ARB2A: variants seen among roughly 807,000 people sequenced by gnomAD.
ARB2A encodes ARB2 cotranscriptional regulator A, also known as cotranscriptional regulator ARB2A.
chr5:93,803,842 T>G, the ARB2A span, among the ~76,000 whole-genome samples: 3 of 151,974 alleles, frequency 2.0e-5, no homozygotes, highest in African/African-American at 7.2e-5. Context: ...TTTTTCTTTT[T>G]GTAGAAAACG....
the ARB2A span, among the ~76,000 whole-genome samples, chr5:93,903,147 A>C: frequency 3.9e-5 from 6 of 152,104 alleles, no homozygotes; most frequent in African/African-American, 9.7e-5. Context: ...ACATGCTTAA[A>C]TGTTTCTTTA....
At chr5:93,705,662 T>G in the ARB2A span, among the ~76,000 whole-genome samples, 1 of 151,282 alleles carries the variant, frequency 6.6e-6, no homozygotes, top group Non-Finnish European at 1.5e-5. Flanking sequence ...TATATATATA[T>G]ATATATGTAT....
the ARB2A span, among the ~76,000 whole-genome samples, chr5:93,889,601 CAAG>C: frequency 6.6e-6 from 1 of 151,710 alleles, no homozygotes; most frequent in African/African-American, 2.4e-5. Flanking sequence ...TGAATGTCCC[CAAG>C]AACATGAAAA....
At chr5:94,078,634 G>A in the ARB2A span, among the ~76,000 whole-genome samples, 9 of 152,112 alleles carry the variant, frequency 5.9e-5, no homozygotes, top group African/African-American at 1.2e-4. Context: ...GCAAAATTGC[G>A]TTTGGATCAA....
At chr5:93,832,763 T>G in the ARB2A span, among the ~76,000 whole-genome samples, 4 of 152,238 alleles carry the variant, frequency 2.6e-5, no homozygotes, top group South Asian at 4.1e-4. Context: ...TTCTACTTTT[T>G]TTTACTCCCC....
At chr5:93,836,174 C>T in the ARB2A span, among the ~76,000 whole-genome samples, 2 of 152,066 alleles carry the variant, frequency 1.3e-5, no homozygotes, top group Non-Finnish European at 2.9e-5. Flanking sequence ...ACCACAGGCG[C>T]CCCCCACCAC....
the ARB2A span, among the ~76,000 whole-genome samples, chr5:93,843,417 CTTTT>C: frequency 8.3e-6 from 1 of 120,608 alleles, no homozygotes. Context: ...AACAAGGATA[CTTTT>C]TTTTTTTTTT....
the ARB2A span, among the ~76,000 whole-genome samples, chr5:93,984,701 T>C: frequency 6.6e-6 from 1 of 152,330 alleles, no homozygotes; most frequent in Non-Finnish European, 1.5e-5. Context: ...ATATTCTCAT[T>C]TGTGTACTGA....
chr5:93,957,358 A>G, the ARB2A span, among the ~76,000 whole-genome samples: 5 of 152,172 alleles, frequency 3.3e-5, no homozygotes, highest in African/African-American at 4.8e-5. Flanking sequence ...ATTTTCAAAT[A>G]TTCATCAAAT....
the ARB2A span, among the ~76,000 whole-genome samples, chr5:94,061,347 C>G: frequency 6.6e-6 from 1 of 152,188 alleles, no homozygotes; most frequent in African/African-American, 2.4e-5. Context: ...AAACTTACAA[C>G]TAACGTAATG....
chr5:93,638,718 A>G, the ARB2A span, among the ~76,000 whole-genome samples: 523 of 152,108 alleles, frequency 3.4e-3, 2 homozygotes, highest in Non-Finnish European at 5.4e-3. Flanking sequence ...AATTCCAGCT[A>G]CAAGGGAGGC....
chr5:93,756,442 C>T, the ARB2A span, among the ~76,000 whole-genome samples: 9 of 152,184 alleles, frequency 5.9e-5, no homozygotes, highest in South Asian at 2.1e-4. Context: ...AGCATTAAAC[C>T]GCCAAACTAA....
At chr5:93,867,852 GA>G in the ARB2A span, among the ~76,000 whole-genome samples, 397 of 145,548 alleles carry the variant, frequency 2.7e-3, 1 homozygote, top group African/African-American at 8.4e-3. Context: ...ACTTTTCAAG[GA>G]AAAAAAAAAC....
the ARB2A span, among the ~76,000 whole-genome samples, chr5:93,757,702 T>C: frequency 6.6e-6 from 1 of 152,100 alleles, no homozygotes; most frequent in African/African-American, 2.4e-5. Flanking sequence ...AAGCTACCAC[T>C]ACAGGAACTG....
chr5:94,015,292 A>G, the ARB2A span, among the ~76,000 whole-genome samples: 1 of 152,198 alleles, frequency 6.6e-6, no homozygotes, highest in Non-Finnish European at 1.5e-5. Flanking sequence ...TACTGTACCC[A>G]GCAAAGCTAT....
At chr5:93,962,070 T>C in the ARB2A span, among the ~76,000 whole-genome samples, 3 of 152,332 alleles carry the variant, frequency 2.0e-5, no homozygotes, top group Admixed American at 6.5e-5. Flanking sequence ...AGTTTGAACA[T>C]ACGGCTGTTC....
chr5:93,621,776 A>G, the ARB2A span, among the ~76,000 whole-genome samples: 1 of 152,158 alleles, frequency 6.6e-6, no homozygotes, highest in Admixed American at 6.5e-5. Context: ...TTAATGAAGG[A>G]CCGCATTCAA....
the ARB2A span, chr5:93,776,264 T>C: frequency 6.4e-7 from 1 of 1,573,736 alleles, no homozygotes; most frequent in Non-Finnish European, 8.6e-7. Flanking sequence ...ATAGAGACAA[T>C]ATTGTTGAAA....
chr5:94,063,837 T>C, the ARB2A span, among the ~76,000 whole-genome samples: 11 of 152,072 alleles, frequency 7.2e-5, no homozygotes, highest in Non-Finnish European at 1.0e-4. Flanking sequence ...ACACCATAGA[T>C]ACATTTTAAG....
Sources: gnomAD v4.1 joint callset for allele counts (sites outside exome capture counted in the v4.1 genomes callset) on GRCh38, gnomAD v4.1.1 for gene constraint, MANE v1.5 for transcripts, NCBI Gene and HGNC (gene_info 2026-07-23, HGNC 2026-07-21) for gene names.